The following RAD21L1 variants were observed in gnomAD, a reference collection of about 807,000 sequenced individuals.
RAD21L1 encodes RAD21 cohesin complex component like 1, also known as double-strand-break repair protein rad21-like protein 1.
Under a neutral mutation model 69.0 loss-of-function variants are expected in RAD21L1, and 47 were observed. That is an observed-to-expected ratio of 0.68 (90% CI 0.54 to 0.87). The LOEUF is 0.87. Among genes scored for constraint, RAD21L1 ranks in the 40% least tolerant of loss-of-function variants. The pLI is 0.00. For synonymous variants in RAD21L1, 177 were observed against 205.8 expected (o/e 0.86, Z 1.20); for missense variants, 583 against 647.6 (o/e 0.90, Z 1.08).
At chr20:1,234,456 A>G (rs2087455272) in intron 5 of RAD21L1, among the ~76,000 whole-genome samples, 1 of 152,234 alleles carries the variant, frequency 6.6e-6, no homozygotes, top group Admixed American at 6.5e-5. Context: ...CAGTACCAAA[A>G]TTTAAAGAAG....
chr20:1,237,046 G>A (rs1000597973), intron 5 of RAD21L1, among the ~76,000 whole-genome samples: 1 of 152,170 alleles, frequency 6.6e-6, no homozygotes, highest in African/African-American at 2.4e-5. Context: ...TTAATCCATT[G>A]TCATGATAGT....
chr20:1,246,414 AT>A lies in RAD21L1; in HGVS notation c.1401+112del. On this transcript the variant is annotated intron_variant, in intron 12 of 13. Coordinates refer to ENST00000683101, the MANE Select transcript of RAD21L1 (RefSeq NM_001384355.1). This position sits in a 1 kb window ranked among gnomAD's most constrained non-coding sequence, Gnocchi z 4.6. ...TTATAGCTGTCATGTTACTTTCTAAATTTATAATTTAAATTTGTGATTACAA... is the reference window on the plus strand; with the variant it reads ...TTATAGCTGTCATGTTACTTTCTAAATTATAATTTAAATTTGTGATTACAA... 1 of 442,146 alleles carries A rather than the reference AT, an allele frequency of 2.3e-6. No homozygotes were observed. Among genetic ancestry groups the A allele is most frequent in the Non-Finnish European group, 4.0e-6 (1 of 250,444 alleles). The allele number at this position is 442,146 out of a possible 1,614,324, so 27.4% of individuals were successfully genotyped here. A position where few individuals can be genotyped will look rare whatever the true frequency, so the allele number is the denominator to read the frequency against.
In RAD21L1 at chr20:1,244,134, C is replaced by T; in HGVS notation, c.1272C>T (p.Ser424=). 1 of 1,547,658 alleles carries T rather than the reference C, an allele frequency of 6.5e-7. No homozygotes were observed. The highest frequency in any genetic ancestry group is 8.7e-7 in the Non-Finnish European group (1 of 1,143,594). Residue 424 remains serine (S), a synonymous_variant, in exon 11 of 14, where the codon AGC becomes AGT. Transcript: ENST00000683101. ...WKDVIGGSQH[S]SHEDTNKNIN... ...ATGTGATTGGTGGATCTCAGCATAG[C>T]TCTCATGAGGATACCAATAAAAATA...
chr20:1,251,658 C>T (rs2087836313), intron 13 of RAD21L1, among the ~76,000 whole-genome samples: 1 of 151,756 alleles, frequency 6.6e-6, no homozygotes, highest in Non-Finnish European at 1.5e-5. Flanking sequence ...ATCTTTTATC[C>T]TCTATATTAA....
intron 8 of RAD21L1, among the ~76,000 whole-genome samples, chr20:1,241,916 G>A (rs765641575): frequency 6.6e-6 from 1 of 152,192 alleles, no homozygotes; most frequent in Non-Finnish European, 1.5e-5. Flanking sequence ...CCCTGGTGGA[G>A]TGAAATCCTA....
chr20:1,236,454 C>G (rs1257170097), intron 5 of RAD21L1, among the ~76,000 whole-genome samples: 1 of 152,146 alleles, frequency 6.6e-6, no homozygotes, highest in Non-Finnish European at 1.5e-5. Flanking sequence ...ACTTTTTGCT[C>G]TAGTCAAGCA....
rs2087905390 is a variant in RAD21L1, at chr20:1,254,895, A to G, written c.*438A>G. Among the ~76,000 whole-genome samples the G allele has an allele frequency of 6.6e-6, 1 of 152,208 alleles. No individual in the cohort carries two copies. The highest frequency in any genetic ancestry group is 2.4e-5 in the African/African-American group (1 of 41,456). ...CCCTGATTTGAATGTTGCACTTAGC[A>G]TACATTTAGCATGCATTTTTAAAAT... On this transcript the variant is annotated 3_prime_UTR_variant, in exon 14 of 14. Coordinates refer to ENST00000683101, the MANE Select transcript of RAD21L1 (RefSeq NM_001384355.1).
chr20:1,233,911 G>T (rs1246748294), intron 4 of RAD21L1, among the ~76,000 whole-genome samples, 174 bp from the exon 5 acceptor site: 1 of 152,070 alleles, frequency 6.6e-6, no homozygotes, highest in African/African-American at 2.4e-5. Flanking sequence ...TTGACCACTG[G>T]ATTTGGAAGC....
chr20:1,238,003 G>C (rs901418643), intron 5 of RAD21L1, 41 bp from the exon 6 acceptor site: 2 of 1,105,672 alleles, frequency 1.8e-6, no homozygotes, highest in Non-Finnish European at 2.5e-6. Flanking sequence ...CTATAATTCT[G>C]TGTTTCTATG....
intron 5 of RAD21L1, 70 bp from the exon 6 acceptor site, chr20:1,237,974 T>TG: frequency 1.2e-6 from 1 of 801,322 alleles, no homozygotes; most frequent in South Asian, 3.2e-5. Flanking sequence ...CTAGATGATA[T>TG]CTGAATTTCC....
intron 8 of RAD21L1, 140 bp downstream of exon 8, chr20:1,240,574 G>A (rs1440302817): frequency 1.7e-5 from 23 of 1,322,274 alleles, no homozygotes; most frequent in African/African-American, 3.1e-5. Flanking sequence ...AGGAGAAGAC[G>A]GTGAAGAAAA....
At chr20:1,252,498 GCTGGT>G (rs528433809) in intron 13 of RAD21L1, among the ~76,000 whole-genome samples, 9 of 152,002 alleles carry the variant, frequency 5.9e-5, no homozygotes, top group Non-Finnish European at 8.8e-5. Context: ...TAAAGGAGAG[GCTGGT>G]TATCTCACTG....
At chr20:1,231,297 A>G (rs1199449679) in intron 3 of RAD21L1, among the ~76,000 whole-genome samples, 1 of 152,212 alleles carries the variant, frequency 6.6e-6, no homozygotes, top group African/African-American at 2.4e-5. Context: ...TGATTTTATT[A>G]AATGCACTGG....
intron 13 of RAD21L1, 23 bp downstream of exon 13, chr20:1,248,726 C>T (rs1202383460): frequency 1.5e-6 from 2 of 1,334,738 alleles, no homozygotes; most frequent in Non-Finnish European, 2.0e-6. Flanking sequence ...GGTTTGTCAA[C>T]CCTGTTTTTA....
At chr20:1,228,110 T>C (rs1171001745) in intron 1 of RAD21L1, among the ~76,000 whole-genome samples, 1 of 152,220 alleles carries the variant, frequency 6.6e-6, no homozygotes, top group Non-Finnish European at 1.5e-5. Context: ...CTCCTTTATT[T>C]GACCATGTTA....
chr20:1,234,241 GTAT>G (rs2087451443), intron 5 of RAD21L1, 50 bp downstream of exon 5: 2 of 835,694 alleles, frequency 2.4e-6, no homozygotes, highest in Non-Finnish European at 4.0e-6. Context: ...AATTATATTT[GTAT>G]TTGTGTATTG....
At position 1,228,377 on chromosome 20, in the gene RAD21L1, A is replaced by T. The variant is rs562930022; in HGVS notation, c.-32-45A>T. The T allele has an allele frequency of 2.4e-5, 25 of 1,058,984 alleles. No homozygotes were observed. In the African/African-American group the frequency reaches 3.8e-4, roughly 16 times the overall value. 65.6% of individuals were successfully genotyped at this position (1,058,984 alleles called of 1,614,324 possible). On this transcript the variant is annotated intron_variant, in intron 1 of 13. Coordinates refer to ENST00000683101, the MANE Select transcript of RAD21L1 (RefSeq NM_001384355.1). ...ACATATTTTTCTTATAGCAATAAAA[A>T]GTTTTTGTAATAAAATTTTAAATTT...
intron 13 of RAD21L1, among the ~76,000 whole-genome samples, chr20:1,254,011 A>T (rs1008596930): frequency 1.3e-5 from 2 of 152,212 alleles, no homozygotes; most frequent in Admixed American, 6.5e-5. Flanking sequence ...AAGGCCTATC[A>T]TTTGTATAAC....
chr20:1,241,181 T>C (rs1407764), intron 8 of RAD21L1, among the ~76,000 whole-genome samples: 4,186 of 152,292 alleles, frequency 0.027, 206 homozygotes, highest in African/African-American at 0.095. Context: ...CATTACTCTG[T>C]AGTGGGCACG....
Sources: allele counts gnomAD v4.1 joint callset (sites outside exome capture counted in the v4.1 genomes callset), GRCh38; gene constraint gnomAD v4.1.1; non-coding constraint Gnocchi (gnomAD v3.1); transcripts MANE v1.5; gene names NCBI Gene and HGNC (gene_info 2026-07-23, HGNC 2026-07-21).